Variants in UBTD1 observed in about 807,000 individuals in gnomAD.
UBTD1 encodes ubiquitin domain-containing protein 1.
A neutral mutation model predicts 21.7 loss-of-function variants in UBTD1; 19 were observed. The observed-to-expected ratio is 0.87, with a 90% CI of 0.61 to 1.28. The LOEUF is 1.28. Ranked by LOEUF, UBTD1 falls within the 50% of genes most tolerant of loss-of-function variation. The pLI is 0.00. For synonymous variants in UBTD1, 116 were observed against 135.1 expected (o/e 0.86, Z 0.98); for missense variants, 282 against 315.1 (o/e 0.89, Z 0.80).
chr10:97,531,737 T>C (rs2040533154), intron 1 of UBTD1, among the ~76,000 whole-genome samples: 1 of 152,110 alleles, frequency 6.6e-6, no homozygotes, highest in African/African-American at 2.4e-5. Context: ...ACCAGCATCC[T>C]GGTGCTCCGA....
At chr10:97,503,116 A>G (rs1308877340) in intron 1 of UBTD1, among the ~76,000 whole-genome samples, 3 of 151,986 alleles carry the variant, frequency 2.0e-5, no homozygotes, top group Admixed American at 6.6e-5. Flanking sequence ...GGGTCTTGCT[A>G]TGTTGCCCAG....
At chr10:97,543,105 G>A (rs2040593815) in intron 1 of UBTD1, among the ~76,000 whole-genome samples, 1 of 152,268 alleles carries the variant, frequency 6.6e-6, no homozygotes, top group Non-Finnish European at 1.5e-5. Flanking sequence ...AGGTGACAGT[G>A]AAGTTGCAAG....
intron 1 of UBTD1, among the ~76,000 whole-genome samples, chr10:97,545,571 C>T (rs7081548): frequency 0.96 from 145,666 of 152,306 alleles, 69,820 homozygotes; most frequent in Non-Finnish European, 0.99. Context: ...ATCTTCTTGA[C>T]TATATTTGTG....
At chr10:97,505,578 G>A (rs1050163343) in intron 1 of UBTD1, among the ~76,000 whole-genome samples, 1 of 152,228 alleles carries the variant, frequency 6.6e-6, no homozygotes, top group African/African-American at 2.4e-5. Context: ...GCTACACAGT[G>A]TGCTCAGATA....
intron 1 of UBTD1, among the ~76,000 whole-genome samples, chr10:97,517,300 C>T (rs540329386): frequency 3.3e-5 from 5 of 151,658 alleles, no homozygotes; most frequent in East Asian, 1.9e-4. Flanking sequence ...AGGAGTGGAG[C>T]GCCACTGGAG....
chr10:97,518,984 T>C (rs2040455905), intron 1 of UBTD1, among the ~76,000 whole-genome samples: 2 of 152,208 alleles, frequency 1.3e-5, no homozygotes, highest in African/African-American at 4.8e-5. Context: ...GTTGTGTAAT[T>C]TGCCCAACAT....
intron 1 of UBTD1, among the ~76,000 whole-genome samples, chr10:97,528,801 C>A (rs1427534346): frequency 7.2e-6 from 1 of 138,094 alleles, no homozygotes; most frequent in Non-Finnish European, 1.6e-5. Flanking sequence ...CCGGACGGGG[C>A]GGCTGGCCGG....
intron 1 of UBTD1, among the ~76,000 whole-genome samples, chr10:97,506,632 A>G (rs181330858): frequency 1.9e-3 from 289 of 152,024 alleles, no homozygotes; most frequent in Non-Finnish European, 1.1e-3. Context: ...ATTTTCCCCA[A>G]CTGAAACTCT....
At chr10:97,565,799 C>A (rs991262665) in intron 1 of UBTD1, among the ~76,000 whole-genome samples, 6 of 152,070 alleles carry the variant, frequency 3.9e-5, no homozygotes, top group African/African-American at 1.2e-4. Context: ...GCAGCCTCAA[C>A]CTTTCTGGGC....
intron 1 of UBTD1, among the ~76,000 whole-genome samples, chr10:97,555,390 T>G (rs2040659179): frequency 6.6e-6 from 1 of 152,186 alleles, no homozygotes; most frequent in Non-Finnish European, 1.5e-5. Flanking sequence ...TTTAAGCCTT[T>G]GATTAACCTG....
chr10:97,515,659 A>G (rs1247430487), intron 1 of UBTD1, among the ~76,000 whole-genome samples: 1 of 152,180 alleles, frequency 6.6e-6, no homozygotes, highest in Non-Finnish European at 1.5e-5. Flanking sequence ...ACTTCTCTGC[A>G]GCCTGGCTTT....
intron 1 of UBTD1, among the ~76,000 whole-genome samples, chr10:97,517,572 C>T (rs1000366371): frequency 7.2e-5 from 11 of 152,146 alleles, no homozygotes; most frequent in African/African-American, 2.7e-4. Context: ...AAGTCTCGTG[C>T]GGATGCAGGC....
intron 1 of UBTD1, among the ~76,000 whole-genome samples, chr10:97,501,478 T>C (rs1201972211): frequency 2.0e-5 from 3 of 152,162 alleles, no homozygotes; most frequent in Admixed American, 2.0e-4. Flanking sequence ...TAATCCCAGC[T>C]ACTCAGGAGG....
chr10:97,562,247 AC>A (rs2040696191), intron 1 of UBTD1, among the ~76,000 whole-genome samples: 1 of 152,214 alleles, frequency 6.6e-6, no homozygotes, highest in Non-Finnish European at 1.5e-5. Context: ...TACTACAGAT[AC>A]AAAAATTAGC....
intron 1 of UBTD1, among the ~76,000 whole-genome samples, chr10:97,526,907 C>T (rs1294086479): frequency 6.7e-6 from 1 of 149,924 alleles, no homozygotes; most frequent in Non-Finnish European, 1.5e-5. Context: ...CGTGGTGGCT[C>T]ACACCTGTAA....
chr10:97,507,774 CAAAAAAAAAAA>C (rs61128714), intron 1 of UBTD1, among the ~76,000 whole-genome samples: 4 of 59,544 alleles, frequency 6.7e-5, no homozygotes, highest in African/African-American at 2.0e-4. Flanking sequence ...GACTCCGTCT[CAAAAAAAAAAA>C]AAAAAAAAAA....
chr10:97,517,142 G>A (rs1324462469), intron 1 of UBTD1, among the ~76,000 whole-genome samples: 1 of 152,120 alleles, frequency 6.6e-6, no homozygotes, highest in Non-Finnish European at 1.5e-5. Flanking sequence ...GGAGTGGAAG[G>A]GCAAGAGGTA....
chr10:97,545,170 T>C (rs1461770619), intron 1 of UBTD1, among the ~76,000 whole-genome samples: 2 of 148,880 alleles, frequency 1.3e-5, no homozygotes, highest in Non-Finnish European at 3.0e-5. Context: ...CCATCTCTAC[T>C]AAAAATACAA....
At chr10:97,520,613 A>T (rs890189856) in intron 1 of UBTD1, among the ~76,000 whole-genome samples, 1 of 152,166 alleles carries the variant, frequency 6.6e-6, no homozygotes, top group African/African-American at 2.4e-5. Context: ...CCTGAAAAAG[A>T]GACACCTACG....
Sources: allele counts gnomAD v4.1 joint callset (sites outside exome capture counted in the v4.1 genomes callset), GRCh38; gene constraint gnomAD v4.1.1; transcripts MANE v1.5; gene names NCBI Gene and HGNC (gene_info 2026-07-23, HGNC 2026-07-21).